The following SULF1 variants were observed in gnomAD, a reference collection of about 807,000 sequenced individuals.
SULF1 encodes extracellular sulfatase Sulf-1.
SULF1 carries 46 observed loss-of-function variants against 110.5 expected under a neutral mutation model. The observed-to-expected ratio is 0.42, with a 90% CI of 0.33 to 0.53. The LOEUF (loss-of-function observed/expected upper bound fraction) is 0.53, where lower values mean the gene tolerates loss of function less well. SULF1 is among the 20% of genes least tolerant of loss of function. SULF1 has a pLI of 0.12. For missense variants in SULF1, 941 were observed against 1,094.2 expected, an observed-to-expected ratio of 0.86 and a Z score of 1.98; for synonymous variants, 371 against 387.1, an observed-to-expected ratio of 0.96 and a Z score of 0.49.
chr8:69,610,518 T>C (rs1808556389), intron 13 of SULF1, among the ~76,000 whole-genome samples: 2 of 152,320 alleles, frequency 1.3e-5, no homozygotes, highest in South Asian at 2.1e-4. Flanking sequence ...TCCAGAAGGA[T>C]TGAGCTCCCA....
intron 22 of SULF1, among the ~76,000 whole-genome samples, chr8:69,656,827 A>C (rs1166322018): frequency 6.6e-6 from 1 of 152,178 alleles, no homozygotes; most frequent in Non-Finnish European, 1.5e-5. Context: ...TATTCCTTTG[A>C]GTACATATCC....
intron 16 of SULF1, 26 bp downstream of exon 16, chr8:69,627,332 GA>G: frequency 6.3e-7 from 1 of 1,584,612 alleles, no homozygotes; most frequent in Non-Finnish European, 8.7e-7. Flanking sequence ...GTGACTGTCA[GA>G]TATATTCCAA....
chr8:69,546,094 G>GGGC, intron 3 of SULF1, among the ~76,000 whole-genome samples: 1 of 152,314 alleles, frequency 6.6e-6, no homozygotes, highest in African/African-American at 2.4e-5. Flanking sequence ...GGGCAACTAA[G>GGGC]AAATATCACC....
chr8:69,573,033 G>A (rs914762490), intron 5 of SULF1, among the ~76,000 whole-genome samples: 1 of 152,156 alleles, frequency 6.6e-6, no homozygotes, highest in Non-Finnish European at 1.5e-5. Context: ...TACCATGTCG[G>A]CCAGACTGGT....
intron 3 of SULF1, among the ~76,000 whole-genome samples, chr8:69,555,940 A>AG (rs1815084725): frequency 6.6e-6 from 1 of 152,342 alleles, no homozygotes; most frequent in Non-Finnish European, 1.5e-5. Flanking sequence ...GCATTGCGCC[A>AG]GATTATGTAC....
chr8:69,615,820 G>A (rs1809058520), intron 13 of SULF1, among the ~76,000 whole-genome samples: 1 of 152,056 alleles, frequency 6.6e-6, no homozygotes, highest in African/African-American at 2.4e-5. Flanking sequence ...AATAGCCTAA[G>A]TCACTAAAAC....
At chr8:69,586,655 T>C in intron 7 of SULF1, 147 bp downstream of exon 7, 2 of 958,248 alleles carry the variant, frequency 2.1e-6, no homozygotes, top group Non-Finnish European at 3.0e-6. Flanking sequence ...TTTTAAACTC[T>C]AGGCAAGGAA....
At chr8:69,569,372 TA>T (rs961630714) in intron 5 of SULF1, among the ~76,000 whole-genome samples, 2 of 152,072 alleles carry the variant, frequency 1.3e-5, no homozygotes, top group African/African-American at 4.8e-5. Context: ...ATATAACATA[TA>T]AAAAAATCAG....
intron 1 of SULF1, among the ~76,000 whole-genome samples, chr8:69,485,247 T>A (rs1039184953): frequency 6.6e-6 from 1 of 152,210 alleles, no homozygotes; most frequent in African/African-American, 2.4e-5. Context: ...GAGGACCACA[T>A]TTACCTACCG....
chr8:69,625,573 G>A lies in SULF1; in HGVS notation c.1850+1376G>A, dbSNP rs142099919. On this transcript the variant is annotated intron_variant, in intron 15 of 22. Coordinates refer to ENST00000402687, the MANE Select transcript of SULF1 (RefSeq NM_001128205.2). ...TCGCTGGCTCAGCAGTGAAGCTGCA[G>A]ACCTTCGCGTGAGTGTTACAGCTCT... is the stretch of plus-strand genomic sequence containing the variant. 2.4e-3 allele frequency among the ~76,000 whole-genome samples: 368 copies of A among 152,334 alleles called. 1 individual carries two copies. Among genetic ancestry groups the A allele is most frequent in the East Asian group, 8.7e-3 (45 of 5,182 alleles).
upstream of SULF1, among the ~76,000 whole-genome samples, chr8:69,492,178 T>C (rs1449424476): frequency 6.6e-6 from 1 of 151,550 alleles, no homozygotes; most frequent in African/African-American, 2.4e-5. Flanking sequence ...ATAATAATAA[T>C]TTAAAGAAAA....
chr8:69,606,149 T>C (rs1001204740), intron 13 of SULF1, among the ~76,000 whole-genome samples: 2 of 152,222 alleles, frequency 1.3e-5, no homozygotes, highest in African/African-American at 4.8e-5. Flanking sequence ...TGAATAGACA[T>C]TCCTAATAAA....
chr8:69,658,301 T>C (rs1211704323), intron 22 of SULF1, among the ~76,000 whole-genome samples: 3 of 152,200 alleles, frequency 2.0e-5, no homozygotes, highest in African/African-American at 7.2e-5. Flanking sequence ...TTTTCACGAA[T>C]GTGATCTTTT....
intron 15 of SULF1, among the ~76,000 whole-genome samples, chr8:69,626,796 G>A (rs1259193914): frequency 6.6e-6 from 1 of 152,234 alleles, no homozygotes; most frequent in Non-Finnish European, 1.5e-5. Flanking sequence ...CGCCCATCCG[G>A]AACTCCAGCT....
intron 13 of SULF1, among the ~76,000 whole-genome samples, chr8:69,612,830 T>A (rs1159926759): frequency 6.6e-6 from 1 of 152,260 alleles, no homozygotes; most frequent in African/African-American, 2.4e-5. Flanking sequence ...GATTATTTCT[T>A]TTGCTGCGCA....
intron 22 of SULF1, among the ~76,000 whole-genome samples, chr8:69,649,327 A>T (rs1413143249): frequency 1.3e-5 from 2 of 152,126 alleles, no homozygotes; most frequent in African/African-American, 4.8e-5. Flanking sequence ...TGCAAACATC[A>T]TTCCCCTTTA....
At chr8:69,588,874 C>G (rs928157358) in intron 7 of SULF1, 98 bp from the exon 8 acceptor site, 4 of 1,236,704 alleles carry the variant, frequency 3.2e-6, no homozygotes, top group Admixed American at 2.0e-5. Flanking sequence ...CTTGCCACTT[C>G]GTGCAGTGAA....
At chr8:69,525,452 C>A (rs143757464) in intron 3 of SULF1, among the ~76,000 whole-genome samples, 22 of 152,196 alleles carry the variant, frequency 1.4e-4, no homozygotes, top group African/African-American at 5.3e-4. Context: ...AGGATGACAG[C>A]AGGTGGCTCA....
chr8:69,516,581 T>C (rs1238358754), intron 3 of SULF1, among the ~76,000 whole-genome samples: 2 of 152,224 alleles, frequency 1.3e-5, no homozygotes, highest in African/African-American at 4.8e-5. Flanking sequence ...GCACCTTTCA[T>C]TTAAGTTTTG....
Sources: gnomAD v4.1 joint callset for allele counts (sites outside exome capture counted in the v4.1 genomes callset) on GRCh38, gnomAD v4.1.1 for gene constraint, MANE v1.5 for transcripts, NCBI Gene and HGNC (gene_info 2026-07-23, HGNC 2026-07-21) for gene names.